The following TBL1XR1 variants were observed in gnomAD, a reference collection of about 807,000 sequenced individuals.
TBL1XR1 encodes the protein TBL1X/Y related 1, also known as F-box-like/WD repeat-containing protein TBL1XR1.
Under a neutral mutation model 66.9 loss-of-function variants are expected in TBL1XR1, and 5 were observed. That is an observed-to-expected ratio of 0.07 (90% CI 0.04 to 0.16). The LOEUF (loss-of-function observed/expected upper bound fraction) is 0.16. Ranked by LOEUF, TBL1XR1 falls within the 10% of genes least tolerant of loss-of-function variation. The pLI is 1.00. For missense variants in TBL1XR1, 238 were observed against 623.2 expected (o/e 0.38, Z 6.58); for synonymous variants, 210 against 206.0 (o/e 1.02, Z -0.17).
intron 1 of TBL1XR1, among the ~76,000 whole-genome samples, chr3:177,124,392 T>C (rs1382061474): frequency 1.3e-5 from 2 of 152,168 alleles, no homozygotes; most frequent in Non-Finnish European, 2.9e-5. Flanking sequence ...TGACCCATCA[T>C]TCAACCTCAC....
intron 1 of TBL1XR1, among the ~76,000 whole-genome samples, chr3:177,107,775 C>T (rs1725063127): frequency 6.6e-6 from 1 of 152,256 alleles, no homozygotes; most frequent in East Asian, 1.9e-4. Context: ...CCTCTCTGTG[C>T]CCAGCACCCA....
chr3:177,060,876 T>C lies in TBL1XR1; in HGVS notation c.58+4044A>G, dbSNP rs566529546. Among the ~76,000 whole-genome samples, 8 of 152,374 alleles carry C rather than the reference T, an allele frequency of 5.3e-5. No homozygotes were observed. In the South Asian group the frequency reaches 1.4e-3, roughly 28 times the overall value. On this transcript the variant is annotated intron_variant, in intron 3 of 15. Transcript: ENST00000457928. ...GGGCAAACACTAATTAAAGGAACAA[T>C]ACTTTTGAATCAAGTTAATCGTTAC...
chr3:177,065,030 TA>T lies in TBL1XR1; in HGVS notation c.-45-9del. Reference sequence around the variant, plus strand: ...ACAACACAGGATATAACCCTAAAAATAAAACAAAGTTAATTATTTTCTCAGT... The same window carrying T: ...ACAACACAGGATATAACCCTAAAAATAAACAAAGTTAATTATTTTCTCAGT... On this transcript the variant is annotated splice_polypyrimidine_tract_variant and intron_variant, in intron 2 of 15. Transcript: ENST00000457928. The T allele has an allele frequency of 7.2e-7, 1 of 1,384,392 alleles. No homozygotes were observed. Among genetic ancestry groups the T allele is most frequent in the Non-Finnish European group, 9.5e-7 (1 of 1,055,334 alleles). 85.8% of individuals were successfully genotyped at this position (1,384,392 alleles called of 1,614,324 possible).
intron 14 of TBL1XR1, among the ~76,000 whole-genome samples, chr3:177,028,551 C>T (rs963801451): frequency 3.9e-5 from 6 of 151,968 alleles, no homozygotes; most frequent in Non-Finnish European, 7.4e-5. Context: ...CCATAAGGCA[C>T]CTCAAAACAC....
At position 177,102,643 on chromosome 3, in the gene TBL1XR1, TCTA is replaced by T. The variant is rs1453949024; in HGVS notation, c.-121-4105_-121-4103del. Among the ~76,000 whole-genome samples, 6 of 152,258 alleles carry T rather than the reference TCTA, an allele frequency of 3.9e-5. No individual in the cohort carries two copies. In the East Asian group the frequency reaches 1.2e-3, roughly 29 times the overall value. Reference sequence around the variant, plus strand: ...CATGTGTGTCCCGTCTATCTGCATTTCTACTTTTACTCAACATTCTCTACTCTC... The same window carrying T: ...CATGTGTGTCCCGTCTATCTGCATTTCTTTTACTCAACATTCTCTACTCTC... On this transcript the variant is annotated intron_variant, in intron 1 of 15. Transcript: ENST00000457928.
chr3:177,081,088 T>C (rs1224702869), intron 2 of TBL1XR1, among the ~76,000 whole-genome samples: 1 of 152,214 alleles, frequency 6.6e-6, no homozygotes, highest in Non-Finnish European at 1.5e-5. Flanking sequence ...CCTAAAGTGA[T>C]TATAAAATAA....
chr3:177,109,792 G>A (rs1440347854), intron 1 of TBL1XR1, among the ~76,000 whole-genome samples: 4 of 152,048 alleles, frequency 2.6e-5, no homozygotes, highest in African/African-American at 4.8e-5. Context: ...GGTGAAAGAG[G>A]AACCCCTGGG....
chr3:177,072,923 G>T (rs1238001254), intron 2 of TBL1XR1, among the ~76,000 whole-genome samples: 1 of 152,158 alleles, frequency 6.6e-6, no homozygotes, highest in Non-Finnish European at 1.5e-5. Context: ...AATTAGCCAG[G>T]TGTGGTGGCA....
intron 1 of TBL1XR1, among the ~76,000 whole-genome samples, chr3:177,143,506 G>C (rs1297148174): frequency 6.6e-6 from 1 of 152,216 alleles, no homozygotes; most frequent in East Asian, 1.9e-4. Context: ...ATGGGGCAGG[G>C]GGATATTTAT....
intron 10 of TBL1XR1, among the ~76,000 whole-genome samples, chr3:177,044,532 G>A (rs954688894): frequency 3.3e-5 from 5 of 152,094 alleles, no homozygotes; most frequent in African/African-American, 1.2e-4. Flanking sequence ...TCACTAAGGG[G>A]CAAGAAGAAA....
At chr3:177,109,687 A>G (rs1057280959) in intron 1 of TBL1XR1, among the ~76,000 whole-genome samples, 3 of 152,138 alleles carry the variant, frequency 2.0e-5, no homozygotes, top group African/African-American at 7.2e-5. Flanking sequence ...ATTCCAGCAG[A>G]ATTTTGATTA....
intron 7 of TBL1XR1, among the ~76,000 whole-genome samples, chr3:177,048,441 T>G (rs569298584): frequency 6.6e-6 from 1 of 152,290 alleles, no homozygotes; most frequent in African/African-American, 2.4e-5. Flanking sequence ...ATTTCACATC[T>G]CTCAAGCCAT....
intron 4 of TBL1XR1, among the ~76,000 whole-genome samples, chr3:177,053,079 G>A (rs755966658): frequency 1.7e-4 from 26 of 152,178 alleles, no homozygotes; most frequent in Non-Finnish European, 3.8e-4. Context: ...TCCAGCCTGG[G>A]CAACAGAGCG....
At chr3:177,053,212 G>A (rs914847386) in intron 4 of TBL1XR1, among the ~76,000 whole-genome samples, 1 of 152,174 alleles carries the variant, frequency 6.6e-6, no homozygotes, top group Admixed American at 6.5e-5. Flanking sequence ...GGCTCTGCAG[G>A]CCATAAGGTC....
At chr3:177,069,793 A>AAAGGAAGGTAGGAAGG (rs1693635433) in intron 2 of TBL1XR1, among the ~76,000 whole-genome samples, 1 of 92,342 alleles carries the variant, frequency 1.1e-5, no homozygotes, top group African/African-American at 4.6e-5. Context: ...AAAAGGAAGG[A>AAAGGAAGGTAGGAAGG]AAGGAAGGAA....
At chr3:177,086,408 C>T (rs984750631) in intron 2 of TBL1XR1, among the ~76,000 whole-genome samples, 5 of 151,530 alleles carry the variant, frequency 3.3e-5, no homozygotes, top group Admixed American at 2.0e-4. Flanking sequence ...TAAATACAGA[C>T]ATGAAACGGT....
At position 177,054,067 on chromosome 3, in the gene TBL1XR1, T is replaced by C. The variant is rs894173573; in HGVS notation, c.59-149A>G. Reference sequence around the variant, plus strand: ...GGTCGTGTGTGTGTGTGTGTGTGTGTGTGTGTGCGCGCGCGTGTGTGTGCA... The same window carrying C: ...GGTCGTGTGTGTGTGTGTGTGTGTGCGTGTGTGCGCGCGCGTGTGTGTGCA... On this transcript the variant is annotated intron_variant, in intron 3 of 15. Transcript: ENST00000457928. The C allele has an allele frequency of 1.4e-4, 89 of 645,284 alleles. No homozygotes were observed. In the Middle Eastern group the frequency reaches 1.9e-3, roughly 14 times the overall value. 40.0% of individuals were successfully genotyped at this position (645,284 alleles called of 1,614,324 possible).
At chr3:177,052,719 A>G (rs1193082092) in intron 4 of TBL1XR1, among the ~76,000 whole-genome samples, 1 of 151,422 alleles carries the variant, frequency 6.6e-6, no homozygotes, top group Non-Finnish European at 1.5e-5. Flanking sequence ...TACAGAAATC[A>G]TAGATACTTC....
intron 2 of TBL1XR1, among the ~76,000 whole-genome samples, chr3:177,096,243 T>C (rs1250342151): frequency 5.3e-5 from 8 of 152,126 alleles, no homozygotes; most frequent in East Asian, 3.9e-4. Flanking sequence ...TGCAAATATA[T>C]AGAAATGGCT....
Sources: gnomAD v4.1 joint callset for allele counts (sites outside exome capture counted in the v4.1 genomes callset) on GRCh38, gnomAD v4.1.1 for gene constraint, MANE v1.5 for transcripts, NCBI Gene and HGNC (gene_info 2026-07-23, HGNC 2026-07-21) for gene names.